EVL: variants seen among roughly 807,000 people sequenced by gnomAD.
The protein encoded by EVL is Enah/Vasp-like.
Under a neutral mutation model 59.6 loss-of-function variants are expected in EVL, and 21 were observed. That is an observed-to-expected ratio of 0.35 (90% CI 0.25 to 0.51). The LOEUF (loss-of-function observed/expected upper bound fraction) is 0.51, where lower values mean the gene tolerates loss of function less well. Ranked by LOEUF, EVL falls within the 20% of genes least tolerant of loss-of-function variation. The pLI, the probability that EVL is intolerant of heterozygous loss-of-function variation, is 0.97. For missense variants in EVL, 462 were observed against 546.6 expected, an observed-to-expected ratio of 0.85 and a Z score of 1.54; for synonymous variants, 198 against 203.5, an observed-to-expected ratio of 0.97 and a Z score of 0.23.
chr14:100,026,462 G>A (rs2061215081), intron 1 of EVL, among the ~76,000 whole-genome samples: 1 of 151,608 alleles, frequency 6.6e-6, no homozygotes, highest in Admixed American at 6.6e-5. Context: ...AATTGACCCT[G>A]TGTCTTAACC....
At chr14:100,140,092 A>G (rs922881722) in intron 11 of EVL, 8 of 151,646 alleles carry the variant, frequency 5.3e-5, no homozygotes, top group Admixed American at 5.2e-4. Context: ...CATCTCTACA[A>G]AAAGTTAAAA....
rs866165251 is a variant in EVL, at chr14:100,126,703, C to A, written c.423-4C>A. ...CAGACTGCCCTGCTGTGATTACTTT[C>A]CAGACAAGTGATGGAGCAGCACCAG... On this transcript the variant is annotated splice_region_variant and splice_polypyrimidine_tract_variant and intron_variant, in intron 4 of 13. Transcript: ENST00000392920. 1 of 1,614,080 alleles carries A rather than the reference C, an allele frequency of 6.2e-7. No homozygotes were observed. The highest frequency in any genetic ancestry group is 1.1e-5 in the South Asian group (1 of 91,064).
intron 1 of EVL, among the ~76,000 whole-genome samples, chr14:99,999,618 G>A (rs913355080): frequency 6.6e-6 from 1 of 152,212 alleles, no homozygotes; most frequent in Non-Finnish European, 1.5e-5. Flanking sequence ...AGCAACACAA[G>A]ACCCTGTCTC....
chr14:99,980,473 C>T (rs1305392774), intron 1 of EVL, among the ~76,000 whole-genome samples: 1 of 152,226 alleles, frequency 6.6e-6, no homozygotes, highest in Admixed American at 6.5e-5. Flanking sequence ...AGCCTGTCAA[C>T]AGGTCTGGTT....
Position 100,035,106 on chromosome 14 carries a change from T to C in EVL, c.6-49581T>C, listed in dbSNP as rs572675954. Among the ~76,000 whole-genome samples, 14 of 152,328 alleles carry C rather than the reference T, an allele frequency of 9.2e-5. No homozygotes were observed. The East Asian group carries it at 2.1e-3, about 23-fold the overall frequency. On this transcript the variant is annotated intron_variant, in intron 1 of 13. Transcript: ENST00000402714. ...TGGTATGTTACAACTGAAAAACTTT[T>C]AAAATGAGACATTATTCCTCAAATT...
rs147789085 is a variant in EVL, at chr14:100,068,093, A to T, written c.11+2582A>T. ...AGTCGGGAGGCAGAATATAGTCAAG[A>T]AACCATCAACAAGAGACGTGAAAAC... is the stretch of plus-strand genomic sequence containing the variant. On this transcript the variant is annotated intron_variant, in intron 1 of 13. Coordinates refer to ENST00000392920, the MANE Select transcript of EVL (RefSeq NM_016337.3). Among the ~76,000 whole-genome samples the T allele has an allele frequency of 4.6e-3, 708 of 152,276 alleles. 2 individuals carry two copies. Among genetic ancestry groups the T allele is most frequent in the African/African-American group, 0.016 (672 of 41,542 alleles).
chr14:100,016,092 AAAAAT>A (rs1367794056), intron 1 of EVL, among the ~76,000 whole-genome samples: 48 of 132,310 alleles, frequency 3.6e-4, no homozygotes, highest in African/African-American at 1.9e-3. Context: ...AAAAAAAAAA[AAAAAT>A]TAATTATTTA....
chr14:100,021,148 GA>G (rs1385094670), intron 1 of EVL, among the ~76,000 whole-genome samples: 1 of 152,208 alleles, frequency 6.6e-6, no homozygotes, highest in Non-Finnish European at 1.5e-5. Context: ...ATTTACTCTA[GA>G]TGAAGTACCC....
chr14:100,099,213 C>T (rs1886029723), intron 3 of EVL, among the ~76,000 whole-genome samples: 1 of 149,050 alleles, frequency 6.7e-6, no homozygotes, highest in African/African-American at 2.5e-5. Context: ...AAAGTGTGTA[C>T]TGGGCCTGAT....
At chr14:100,045,631 T>C (rs1029289136) in intron 1 of EVL, among the ~76,000 whole-genome samples, 1 of 152,182 alleles carries the variant, frequency 6.6e-6, no homozygotes, top group South Asian at 2.1e-4. Flanking sequence ...TTCAGAGAGG[T>C]AGAGCTAGGA....
At chr14:100,102,616 A>G (rs879522125) in intron 3 of EVL, among the ~76,000 whole-genome samples, 13 of 152,172 alleles carry the variant, frequency 8.5e-5, no homozygotes, top group Non-Finnish European at 1.8e-4. Flanking sequence ...ATGATGGGGA[A>G]GGGAGAGCTA....
intron 1 of EVL, among the ~76,000 whole-genome samples, chr14:100,054,320 T>C (rs2061693635): frequency 6.6e-6 from 1 of 152,164 alleles, no homozygotes; most frequent in Admixed American, 6.5e-5. Flanking sequence ...CCCAAAGTGC[T>C]GGGAATACAG....
intron 8 of EVL, among the ~76,000 whole-genome samples, chr14:100,133,350 G>A (rs901703560): frequency 1.3e-5 from 2 of 152,154 alleles, no homozygotes; most frequent in African/African-American, 4.8e-5. Context: ...TCCATGTTAA[G>A]CTTTTCCTAT....
chr14:100,112,347 C>G (rs1887053228), intron 3 of EVL, among the ~76,000 whole-genome samples: 1 of 152,218 alleles, frequency 6.6e-6, no homozygotes, highest in African/African-American at 2.4e-5. Flanking sequence ...CACTGTCTGA[C>G]TGGCTTGCTC....
At chr14:100,025,639 C>T (rs1232365726) in intron 1 of EVL, among the ~76,000 whole-genome samples, 2 of 152,150 alleles carry the variant, frequency 1.3e-5, no homozygotes, top group Non-Finnish European at 2.9e-5. Context: ...TTTAAAAATA[C>T]ACAGTTGGCG....
chr14:100,069,427 C>G (rs1051635312), intron 1 of EVL, among the ~76,000 whole-genome samples: 4 of 152,180 alleles, frequency 2.6e-5, no homozygotes, highest in Admixed American at 2.6e-4. Context: ...TAATTGTACG[C>G]CTTTGTGTGA....
intron 6 of EVL, 38 bp from the exon 7 acceptor site, chr14:100,129,518 TGCCATCA>T (rs1287228154): frequency 6.2e-7 from 1 of 1,610,594 alleles, no homozygotes; most frequent in Admixed American, 1.7e-5. Flanking sequence ...GCTCCTGTTC[TGCCATCA>T]GCAGCAGAAT....
At position 99,975,794 on chromosome 14, in the gene EVL, C is replaced by T. The variant is rs117621288; in HGVS notation, c.5+3737C>T. Among the ~76,000 whole-genome samples, 3 of 152,308 alleles carry T rather than the reference C, an allele frequency of 2.0e-5. No homozygotes were observed. The East Asian group carries it at 5.8e-4, about 29-fold the overall frequency. On this transcript the variant is annotated intron_variant, in intron 1 of 13. Coordinates refer to the EVL transcript ENST00000402714. ...GTTCCTGACAGGCCATGGACCGATA[C>T]TAGTTCATGTCCAGGGGTTGAGGAC...
At chr14:100,122,770 T>G (rs1241494386) in intron 3 of EVL, among the ~76,000 whole-genome samples, 1 of 152,212 alleles carries the variant, frequency 6.6e-6, no homozygotes, top group East Asian at 1.9e-4. Flanking sequence ...CGGCAGAAGC[T>G]TAACTGTGGC....
Sources: allele counts gnomAD v4.1 joint callset (sites outside exome capture counted in the v4.1 genomes callset), GRCh38; gene constraint gnomAD v4.1.1; transcripts MANE v1.5; gene names NCBI Gene and HGNC (gene_info 2026-07-23, HGNC 2026-07-21).